The following ADAM12 variants were observed in gnomAD, a reference collection of about 807,000 sequenced individuals.
ADAM12 encodes ADAM metallopeptidase domain 12.
A neutral mutation model predicts 106.4 loss-of-function variants in ADAM12; 70 were observed. The ratio of observed to expected loss-of-function variants is 0.66; its 90% CI spans 0.54 to 0.80. ADAM12 has a LOEUF of 0.80. ADAM12 is among the 30% of genes least tolerant of loss of function. ADAM12 has a pLI of 0.00. For missense variants in ADAM12, 1,010 were observed against 1,171.9 expected, an observed-to-expected ratio of 0.86 and a Z score of 2.02; for synonymous variants, 420 against 433.5, an observed-to-expected ratio of 0.97 and a Z score of 0.39.
chr10:126,111,767 G>A (rs1955873049), intron 6 of ADAM12, among the ~76,000 whole-genome samples: 1 of 152,172 alleles, frequency 6.6e-6, no homozygotes, highest in Admixed American at 6.5e-5. Context: ...AAGCTCAGAG[G>A]GAAGCTTAAC....
chr10:126,256,851 A>C (rs1487059026), intron 3 of ADAM12, among the ~76,000 whole-genome samples: 1 of 152,132 alleles, frequency 6.6e-6, no homozygotes, highest in Non-Finnish European at 1.5e-5. Context: ...CTGGTTCTTT[A>C]AGTACTATAT....
At chr10:126,320,149 G>T (rs1292598563) in intron 2 of ADAM12, among the ~76,000 whole-genome samples, 1 of 152,214 alleles carries the variant, frequency 6.6e-6, no homozygotes, top group Non-Finnish European at 1.5e-5. Flanking sequence ...TTGTTAGAAA[G>T]AAACTAAATT....
chr10:126,180,394 G>A (rs1217468214), intron 3 of ADAM12, among the ~76,000 whole-genome samples: 9 of 152,238 alleles, frequency 5.9e-5, no homozygotes, highest in Admixed American at 5.9e-4. Flanking sequence ...GACCTCAGGA[G>A]CCATGAGGTT....
At chr10:126,267,439 C>T (rs1163656537) in intron 3 of ADAM12, among the ~76,000 whole-genome samples, 1 of 152,050 alleles carries the variant, frequency 6.6e-6, no homozygotes, top group Non-Finnish European at 1.5e-5. Context: ...CAGTGGGAAC[C>T]CTGAGCTGCT....
At chr10:126,378,260 T>A (rs1312688391) in intron 1 of ADAM12, among the ~76,000 whole-genome samples, 2 of 152,154 alleles carry the variant, frequency 1.3e-5, no homozygotes, top group Non-Finnish European at 2.9e-5. Context: ...CAGTAAAAAA[T>A]TTGTGTACTC....
At chr10:126,268,608 T>C (rs979056184) in intron 3 of ADAM12, among the ~76,000 whole-genome samples, 16 of 152,170 alleles carry the variant, frequency 1.1e-4, no homozygotes, top group African/African-American at 2.6e-4. Flanking sequence ...GTGAAAACAA[T>C]AGAAGTAAGA....
intron 3 of ADAM12, among the ~76,000 whole-genome samples, chr10:126,258,633 T>C (rs564365834): frequency 6.6e-6 from 1 of 152,266 alleles, no homozygotes; most frequent in African/African-American, 2.4e-5. Flanking sequence ...TTTATTACTC[T>C]CTCAGCCCAT....
intron 14 of ADAM12, among the ~76,000 whole-genome samples, chr10:126,055,959 A>G (rs1315143508): frequency 6.6e-6 from 1 of 152,178 alleles, no homozygotes; most frequent in East Asian, 1.9e-4. Flanking sequence ...TTTTTGTTGC[A>G]TCTATACTGA....
At chr10:126,378,527 TAAC>T (rs1343244053) in intron 1 of ADAM12, among the ~76,000 whole-genome samples, 1 of 152,188 alleles carries the variant, frequency 6.6e-6, no homozygotes, top group Non-Finnish European at 1.5e-5. Flanking sequence ...ACCATTTACT[TAAC>T]AGTTAAATAC....
intron 1 of ADAM12, among the ~76,000 whole-genome samples, chr10:126,337,155 A>C (rs1472576838): frequency 3.9e-5 from 6 of 152,232 alleles, no homozygotes; most frequent in Non-Finnish European, 1.5e-5. Flanking sequence ...GCTGGGAAAG[A>C]CAGAGGCTGG....
chr10:126,091,616 A>G (rs1432870751), intron 11 of ADAM12, among the ~76,000 whole-genome samples: 1 of 152,200 alleles, frequency 6.6e-6, no homozygotes, highest in African/African-American at 2.4e-5. Flanking sequence ...TGGGGGAAAA[A>G]AAAGCCTTTT....
intron 11 of ADAM12, among the ~76,000 whole-genome samples, chr10:126,082,363 G>GTTTT (rs5788763): frequency 0.33 from 26,834 of 80,524 alleles, 7,083 homozygotes; most frequent in South Asian, 0.45. Flanking sequence ...TCTAATGACT[G>GTTTT]TTTTTTTTTT....
At chr10:126,257,022 C>A (rs1372403573) in intron 3 of ADAM12, among the ~76,000 whole-genome samples, 1 of 152,224 alleles carries the variant, frequency 6.6e-6, no homozygotes, top group Non-Finnish European at 1.5e-5. Flanking sequence ...AGCCCACCCA[C>A]TGGCCACCTG....
At chr10:126,160,156 G>A (rs1434463289) in intron 3 of ADAM12, among the ~76,000 whole-genome samples, 1 of 152,134 alleles carries the variant, frequency 6.6e-6, no homozygotes, top group Admixed American at 6.5e-5. Context: ...GGAACAGGAG[G>A]AAAGCCAGCA....
chr10:126,040,454 C>G (rs1954140487), intron 18 of ADAM12, among the ~76,000 whole-genome samples: 1 of 152,188 alleles, frequency 6.6e-6, no homozygotes. Flanking sequence ...GCAGCAGCAG[C>G]TCCTACTCCA....
At chr10:126,141,377 T>C in intron 4 of ADAM12, among the ~76,000 whole-genome samples, 1 of 152,204 alleles carries the variant, frequency 6.6e-6, no homozygotes, top group East Asian at 1.9e-4. Context: ...TTTGCCTAGT[T>C]CTGCTGATCC....
intron 14 of ADAM12, among the ~76,000 whole-genome samples, chr10:126,063,775 C>G (rs1252706536): frequency 6.6e-6 from 1 of 152,212 alleles, no homozygotes; most frequent in Non-Finnish European, 1.5e-5. Context: ...GGCATTGAAT[C>G]TCAAATGGTT....
chr10:126,218,549 G>C (rs1487295540), intron 3 of ADAM12, among the ~76,000 whole-genome samples: 1 of 152,294 alleles, frequency 6.6e-6, no homozygotes, highest in Admixed American at 6.5e-5. Flanking sequence ...TGAGGTACCC[G>C]AGGCAGAACA....
chr10:126,178,496 CTCTT>C (rs2133778265), intron 3 of ADAM12, among the ~76,000 whole-genome samples: 1 of 145,220 alleles, frequency 6.9e-6, no homozygotes, highest in African/African-American at 2.6e-5. Flanking sequence ...TTGTCAAACT[CTCTT>C]TCATATAAAA....
Sources: allele counts gnomAD v4.1 joint callset (sites outside exome capture counted in the v4.1 genomes callset), GRCh38; gene constraint gnomAD v4.1.1; transcripts MANE v1.5; gene names NCBI Gene and HGNC (gene_info 2026-07-23, HGNC 2026-07-21).